The following SARM1 variants were observed in gnomAD, a reference collection of about 807,000 sequenced individuals.
The protein encoded by SARM1 is sterile alpha and TIR motif containing 1.
In SARM1, 60 loss-of-function variants were observed where a neutral mutation model predicts 65.1. That is an observed-to-expected ratio of 0.92 (90% CI 0.75 to 1.14). The LOEUF is 1.14. SARM1 is among the 50% of genes most tolerant of loss of function. The probability of loss-of-function intolerance (pLI) is 0.00; values close to 1 mark genes in which losing one functional copy is unlikely to be tolerated. For missense variants in SARM1, 913 were observed against 1,015.7 expected (o/e 0.90, Z 1.37); for synonymous variants, 417 against 465.4 (o/e 0.90, Z 1.34).
intron 7 of SARM1, 133 bp from the exon 8 acceptor site, chr17:28,395,772 T>C (rs2068113438): frequency 1.1e-6 from 1 of 877,368 alleles, no homozygotes; most frequent in East Asian, 2.4e-5. Context: ...AAGGTAGACA[T>C]CAAGGTGGAC....
intron 1 of SARM1, among the ~76,000 whole-genome samples, chr17:28,380,604 A>G (rs1007133258): frequency 1.4e-4 from 21 of 152,246 alleles, no homozygotes; most frequent in Admixed American, 1.3e-3. Context: ...CTCAGGAAGC[A>G]TCTGTTGAAT....
intron 1 of SARM1, 31 bp from the exon 2 acceptor site, chr17:28,381,170 ATT>A: frequency 6.4e-7 from 1 of 1,550,528 alleles, no homozygotes; most frequent in Non-Finnish European, 8.7e-7. Context: ...AGCTGCGGCA[ATT>A]CCACTGTCCC....
chr17:28,374,964 C>T (rs2067980210), intron 1 of SARM1, among the ~76,000 whole-genome samples: 1 of 107,822 alleles, frequency 9.3e-6, no homozygotes, highest in African/African-American at 4.0e-5. Flanking sequence ...CAGAGCCAGA[C>T]CTTGTCAAAA....
At chr17:28,393,053 A>T in intron 7 of SARM1, among the ~76,000 whole-genome samples, 1 of 152,198 alleles carries the variant, frequency 6.6e-6, no homozygotes, top group Non-Finnish European at 1.5e-5. Context: ...GAACCCGATT[A>T]CTAGCAAATA....
intron 7 of SARM1, 61 bp downstream of exon 7, chr17:28,388,600 C>T (rs1243061667): frequency 4.6e-6 from 7 of 1,518,896 alleles, no homozygotes; most frequent in South Asian, 3.5e-5. Flanking sequence ...AAGATAGGGT[C>T]GTCTTCTATT....
rs2068168886 is a variant in SARM1, at chr17:28,399,480, G to A, written c.*3194G>A. The A allele has an allele frequency of 1.6e-6, 1 of 631,590 alleles. No individual in the cohort carries two copies. The highest frequency in any genetic ancestry group is 1.8e-5 in the African/African-American group (1 of 54,564). The allele number at this position is 631,590 out of a possible 1,614,324, so 39.1% of individuals were successfully genotyped here. A position where few individuals can be genotyped will look rare whatever the true frequency, so the allele number is the denominator to read the frequency against. ...TGATTCTAGATCCTAGACAGAGGCT[G>A]GGTCAGCTGTGGATGGGGTGGTGCC... On this transcript the variant is annotated 3_prime_UTR_variant, in exon 9 of 9. Transcript: ENST00000585482.
At chr17:28,391,538 G>A (rs2068079524) in intron 7 of SARM1, among the ~76,000 whole-genome samples, 2 of 152,136 alleles carry the variant, frequency 1.3e-5, no homozygotes, top group East Asian at 1.9e-4. Flanking sequence ...GGGCAGTTGA[G>A]CATCCAGGAA....
In SARM1 at chr17:28,396,250, C is replaced by G. The variant is rs2068121945; in HGVS notation, c.2139C>G (p.Thr713=). 6.2e-7 allele frequency: 1 copy of G among 1,613,886 alleles called. No individual in the cohort carries two copies. Among genetic ancestry groups the G allele is most frequent in the Admixed American group, 1.7e-5 (1 of 60,010 alleles). The part of the protein sequence containing the change: ...SSRDSSAGSD[T]SLEGAAPMGP... ...GGGACTCATCTGCAGGCTCTGACAC[C>G]AGTTTGGAGGGTGCTGCACCCATGG... The change falls in exon 9 of 9, where the codon ACC becomes ACG. Residue 713 remains threonine, a synonymous_variant. Transcript: ENST00000585482.
intron 7 of SARM1, 126 bp downstream of exon 7, chr17:28,388,665 G>C: frequency 1.0e-6 from 1 of 962,180 alleles, no homozygotes; most frequent in South Asian, 1.6e-5. Flanking sequence ...CCTTGGCCCA[G>C]CTGGAAGTCA....
chr17:28,376,862 T>C lies in SARM1; in HGVS notation c.471-4341T>C, dbSNP rs2067993358. On this transcript the variant is annotated intron_variant, in intron 1 of 8. Transcript: ENST00000585482. ...GGAGTGCAGTGGCACGATCTTGGGC[T>C]CACTGCAACCTCTGCCTCCCAGGCT... is the stretch of plus-strand genomic sequence containing the variant. Among the ~76,000 whole-genome samples the C allele has an allele frequency of 2.6e-5, 4 of 151,858 alleles. No homozygotes were observed. The South Asian group carries it at 8.3e-4, about 32-fold the overall frequency.
rs552126464 is a variant in SARM1, at chr17:28,392,113, A to AT, written c.1923+3587dup. Among the ~76,000 whole-genome samples, 836 of 143,570 alleles carry AT rather than the reference A, an allele frequency of 5.8e-3. 9 individuals carry two copies. Among genetic ancestry groups the AT allele is most frequent in the South Asian group, 0.024 (109 of 4,552 alleles). 94.2% of individuals were successfully genotyped at this position (143,570 alleles called of 152,430 possible). ...ATCCCTTTCTTTTATTTATTTAATT[A>AT]TTTTTTTTTTTTTGAGGCACAGTCT... On this transcript the variant is annotated intron_variant, in intron 7 of 8. Coordinates refer to ENST00000585482, the MANE Select transcript of SARM1 (RefSeq NM_015077.4).
chr17:28,376,489 G>A (rs2142424465), intron 1 of SARM1, among the ~76,000 whole-genome samples: 1 of 151,056 alleles, frequency 6.6e-6, no homozygotes, highest in East Asian at 2.0e-4. Flanking sequence ...ATGAGAATCA[G>A]TTGAACCCAG....
At chr17:28,391,902 T>C (rs1178892162) in intron 7 of SARM1, among the ~76,000 whole-genome samples, 2 of 139,454 alleles carry the variant, frequency 1.4e-5, no homozygotes, top group African/African-American at 5.5e-5. Context: ...TTTTTTCCAG[T>C]AGAGATAGGG....
Position 28,388,530 on chromosome 17 carries a change from G to T in SARM1, c.1914G>T (p.Trp638Cys), listed in dbSNP as rs1555586435. 3.1e-6 allele frequency: 5 copies of T among 1,613,032 alleles called. No homozygotes were observed. In the East Asian group the frequency reaches 1.1e-4, roughly 36 times the overall value. The change falls in exon 7 of 9, where the codon TGG becomes TGT. Residue 638 changes from tryptophan (W) to cysteine (C), a missense_variant. Transcript: ENST00000585482. The part of the protein sequence containing the change: ...KCMQDHDCKD[W>C]VHKEIVTALS... ...TGCAAGACCATGACTGCAAGGATTG[G>T]GTGCATAAGGTAGGTGCCTGCCTAT...
chr17:28,396,153 A>G lies in SARM1; in HGVS notation c.2046-4A>G. On this transcript the variant is annotated splice_polypyrimidine_tract_variant and splice_region_variant and intron_variant, in intron 8 of 8. Transcript: ENST00000585482. ...CTGAACCACATTGGCTCCTGTGCCC[A>G]CAGGTGGTCCCACGAATACCAGGAG... 1.2e-6 allele frequency: 2 copies of G among 1,613,924 alleles called. No individual in the cohort carries two copies. Among genetic ancestry groups the G allele is most frequent in the Non-Finnish European group, 1.7e-6 (2 of 1,179,852 alleles).
chr17:28,377,705 C>CT lies in SARM1; in HGVS notation c.471-3487dup, dbSNP rs367545949. On this transcript the variant is annotated intron_variant, in intron 1 of 8. Transcript: ENST00000585482. ...GTAATGTCACCTGTGGAGGACATCA[C>CT]TTTTTTTTTTTAGACGGAGTCTCAC... 1.3e-3 allele frequency among the ~76,000 whole-genome samples: 196 copies of CT among 147,362 alleles called. 1 individual carries two copies. Among genetic ancestry groups the CT allele is most frequent in the African/African-American group, 3.9e-3 (158 of 40,456 alleles).
chr17:28,400,735 A>C lies in SARM1; in HGVS notation c.*4449A>C. 1 of 1,594,470 alleles carries C rather than the reference A, an allele frequency of 6.3e-7. No homozygotes were observed. Among genetic ancestry groups the C allele is most frequent in the South Asian group, 1.1e-5 (1 of 88,418 alleles). ...CGGAGGCCGTCAGCATGGCCAGGCT[A>C]TTCACACAGGCCACAGCAGAAAAGA... On this transcript the variant is annotated 3_prime_UTR_variant, in exon 9 of 9. Transcript: ENST00000585482.
In SARM1 at chr17:28,402,243, T is replaced by C; in HGVS notation, c.*5957T>C. ...AGGTGGGTTCTGACACTCACCCTGC[T>C]CTGTCTCTCTCACCAGCTTGGAGAG... On this transcript the variant is annotated 3_prime_UTR_variant, in exon 9 of 9. Transcript: ENST00000585482. 1 of 1,612,890 alleles carries C rather than the reference T, an allele frequency of 6.2e-7. No individual in the cohort carries two copies. Among genetic ancestry groups the C allele is most frequent in the Non-Finnish European group, 8.5e-7 (1 of 1,179,416 alleles).
Position 28,381,218 on chromosome 17 carries a change from C to A in SARM1, c.486C>A (p.Arg162=). The A allele has an allele frequency of 6.2e-7, 1 of 1,605,154 alleles. No individual in the cohort carries two copies. The highest frequency in any genetic ancestry group is 1.3e-5 in the African/African-American group (1 of 74,586). The part of the protein sequence containing the change: ...LVAENRDRVA[R]IGLGVILNLA... ...CACTGGGCAGAGACCGCGTGGCGCG[C>A]ATTGGGCTGGGCGTGATCCTGAACC... Residue 162 remains arginine (R), a synonymous_variant, in exon 2 of 9, where the codon CGC becomes CGA. Coordinates refer to ENST00000585482, the MANE Select transcript of SARM1 (RefSeq NM_015077.4).
Sources: gnomAD v4.1 joint callset for allele counts (sites outside exome capture counted in the v4.1 genomes callset) on GRCh38, gnomAD v4.1.1 for gene constraint, MANE v1.5 for transcripts, NCBI Gene and HGNC (gene_info 2026-07-23, HGNC 2026-07-21) for gene names.